Variants in TMED3 observed in about 807,000 individuals in gnomAD.
TMED3 encodes the protein transmembrane emp24 domain-containing protein 3.
TMED3 carries 9 observed loss-of-function variants against 15.0 expected under a neutral mutation model. That is an observed-to-expected ratio of 0.60 (90% CI 0.36 to 1.04). TMED3 has a LOEUF of 1.04. Among genes scored for constraint, TMED3 ranks in the 50% least tolerant of loss-of-function variants. The probability of loss-of-function intolerance (pLI) is 0.01; values close to 1 mark genes in which losing one functional copy is unlikely to be tolerated. For missense variants in TMED3, 267 were observed against 278.9 expected, an observed-to-expected ratio of 0.96 and a Z score of 0.30; for synonymous variants, 117 against 121.4, an observed-to-expected ratio of 0.96 and a Z score of 0.24.
chr15:79,324,584 T>G (rs1044875358), downstream of TMED3, among the ~76,000 whole-genome samples: 5 of 152,210 alleles, frequency 3.3e-5, no homozygotes, highest in Non-Finnish European at 5.9e-5. Context: ...AAAAGTAATA[T>G]TTAATATATG....
At chr15:79,400,680 TATCTC>T (rs1309838228) in intron 2 of TMED3, among the ~76,000 whole-genome samples, 2 of 152,230 alleles carry the variant, frequency 1.3e-5, no homozygotes, top group African/African-American at 4.8e-5. Context: ...ATATAACAAT[TATCTC>T]ATTTAATGAG....
At chr15:79,387,199 C>T (rs779807582) in intron 2 of TMED3, among the ~76,000 whole-genome samples, 3 of 152,142 alleles carry the variant, frequency 2.0e-5, no homozygotes, top group African/African-American at 4.8e-5. Flanking sequence ...ATATTTAAGT[C>T]TATAATCCCC....
chr15:79,386,602 C>T (rs141106135), intron 2 of TMED3, among the ~76,000 whole-genome samples: 21 of 152,036 alleles, frequency 1.4e-4, no homozygotes, highest in East Asian at 1.9e-4. Flanking sequence ...TGCAGTGGTG[C>T]GATCTCAGCT....
chr15:79,371,675 G>A (rs1893342287), intron 2 of TMED3, among the ~76,000 whole-genome samples: 1 of 152,174 alleles, frequency 6.6e-6, no homozygotes. Context: ...TAGTTCCTGG[G>A]AGGGGGGTCT....
intron 2 of TMED3, among the ~76,000 whole-genome samples, chr15:79,351,448 T>C (rs2058890638): frequency 6.6e-6 from 1 of 152,220 alleles, no homozygotes; most frequent in African/African-American, 2.4e-5. Context: ...AAACCTTTAA[T>C]TACCAGCACA....
At chr15:79,325,567 G>C (rs2058784208), downstream of TMED3, among the ~76,000 whole-genome samples, 1 of 152,178 alleles carries the variant, frequency 6.6e-6, no homozygotes, top group African/African-American at 2.4e-5. Flanking sequence ...ATGTATATAT[G>C]AAAGGGAGTT....
Position 79,311,161 on chromosome 15 carries a change from C to T in TMED3, c.-89C>T, listed in dbSNP as rs2058710477. 1 of 1,408,576 alleles carries T rather than the reference C, an allele frequency of 7.1e-7. No homozygotes were observed. 87.3% of individuals were successfully genotyped at this position (1,408,576 alleles called of 1,614,324 possible). A position where few individuals can be genotyped will look rare whatever the true frequency, so the allele number is the denominator to read the frequency against. On this transcript the variant is annotated 5_prime_UTR_variant, in exon 1 of 3. Coordinates refer to ENST00000299705, the MANE Select transcript of TMED3 (RefSeq NM_007364.4). Reference sequence around the variant, plus strand: ...TGGTGCCACGTCTATCCCCTTACATCCTCCTAGGACCCGGTCGGTAGTCGT... The same window carrying T: ...TGGTGCCACGTCTATCCCCTTACATTCTCCTAGGACCCGGTCGGTAGTCGT...
chr15:79,337,805 G>A (rs1429503138), intron 2 of TMED3, among the ~76,000 whole-genome samples: 1 of 152,164 alleles, frequency 6.6e-6, no homozygotes, highest in Non-Finnish European at 1.5e-5. Context: ...CAGTTTCCTC[G>A]TTTGTAACAA....
chr15:79,403,494 T>G (rs1893862142), intron 2 of TMED3, among the ~76,000 whole-genome samples: 1 of 152,138 alleles, frequency 6.6e-6, no homozygotes, highest in African/African-American at 2.4e-5. Flanking sequence ...CTTTTACCAT[T>G]ATCTCTTGGT....
intron 2 of TMED3, among the ~76,000 whole-genome samples, chr15:79,367,560 C>T (rs62025985): frequency 0.14 from 21,944 of 152,126 alleles, 1,832 homozygotes; most frequent in East Asian, 0.4. Flanking sequence ...GTTCCCAGAG[C>T]GTGCAAGCTC....
In TMED3 at chr15:79,313,920, A is replaced by G. The variant is rs767921493; in HGVS notation, c.332A>G (p.His111Arg). The G allele has an allele frequency of 6.2e-7, 1 of 1,614,166 alleles. No individual in the cohort carries two copies. Among genetic ancestry groups the G allele is most frequent in the South Asian group, 1.1e-5 (1 of 91,074 alleles). The change falls in exon 2 of 3, where the codon CAC becomes CGC. Residue 111 changes from histidine to arginine, a missense_variant. This residue lies in a region of TMED3 where 69 missense variants were observed against 106.8 expected (regional missense o/e 0.65). Coordinates refer to ENST00000299705, the MANE Select transcript of TMED3 (RefSeq NM_007364.4). Reference sequence around the variant, plus strand: ...AGTAATGAGTTTTCCACCTTCTCTCACAAGACCGTCTACTTTGACTTTCAA... The same window carrying G: ...AGTAATGAGTTTTCCACCTTCTCTCGCAAGACCGTCTACTTTGACTTTCAA... ...CFSNEFSTFSHKTVYFDFQVG... is the reference protein window; with the variant it reads ...CFSNEFSTFSRKTVYFDFQVG...
At chr15:79,405,698 A>G (rs1893894331) in intron 2 of TMED3, among the ~76,000 whole-genome samples, 2 of 152,188 alleles carry the variant, frequency 1.3e-5, no homozygotes, top group African/African-American at 4.8e-5. Context: ...TTCCTTGGGT[A>G]TCTGAAATAC....
At chr15:79,363,760 C>G (rs1893176434) in intron 2 of TMED3, among the ~76,000 whole-genome samples, 1 of 152,140 alleles carries the variant, frequency 6.6e-6, no homozygotes, top group East Asian at 1.9e-4. Flanking sequence ...CTCTAAACTC[C>G]TTTCCATTGT....
At chr15:79,336,297 A>G (rs185255664) in intron 2 of TMED3, among the ~76,000 whole-genome samples, 1 of 152,260 alleles carries the variant, frequency 6.6e-6, no homozygotes, top group African/African-American at 2.4e-5. Flanking sequence ...TAAAACATCA[A>G]AAAGCTAGGC....
chr15:79,366,174 G>C (rs1339476288), intron 2 of TMED3, among the ~76,000 whole-genome samples: 1 of 152,100 alleles, frequency 6.6e-6, no homozygotes, highest in East Asian at 1.9e-4. Flanking sequence ...CAAACACCTA[G>C]GTTGATGGAA....
At chr15:79,315,354 C>T (rs1184730353) in intron 2 of TMED3, among the ~76,000 whole-genome samples, 2 of 152,182 alleles carry the variant, frequency 1.3e-5, no homozygotes, top group Non-Finnish European at 2.9e-5. Flanking sequence ...TAGAAAGTTC[C>T]ATTGTCCAAA....
intron 2 of TMED3, among the ~76,000 whole-genome samples, chr15:79,336,115 A>T (rs11852766): frequency 6.6e-6 from 1 of 152,110 alleles, no homozygotes; most frequent in East Asian, 1.9e-4. Flanking sequence ...AAAAATTTTG[A>T]TAAAGGAATA....
At chr15:79,400,564 C>T (rs968062295) in intron 2 of TMED3, among the ~76,000 whole-genome samples, 3 of 152,128 alleles carry the variant, frequency 2.0e-5, no homozygotes, top group African/African-American at 4.8e-5. Context: ...AGAGCCTTCT[C>T]GTTATCATTA....
chr15:79,311,238 A>T lies in TMED3; in HGVS notation c.-12A>T. Reference sequence around the variant, plus strand: ...CCCGAGCCGCGGCCCTCGAGACGGGACCGAGAGCATCATGGGCAGCACTGT... The same window carrying T: ...CCCGAGCCGCGGCCCTCGAGACGGGTCCGAGAGCATCATGGGCAGCACTGT... On this transcript the variant is annotated 5_prime_UTR_variant, in exon 1 of 3. Coordinates refer to ENST00000299705, the MANE Select transcript of TMED3 (RefSeq NM_007364.4). 6.3e-7 allele frequency: 1 copy of T among 1,592,856 alleles called. No homozygotes were observed. Among genetic ancestry groups the T allele is most frequent in the African/African-American group, 1.3e-5 (1 of 74,248 alleles).
Sources: allele counts gnomAD v4.1 joint callset (sites outside exome capture counted in the v4.1 genomes callset), GRCh38; gene constraint gnomAD v4.1.1; regional missense constraint gnomAD v4.1.1; transcripts MANE v1.5; gene names NCBI Gene and HGNC (gene_info 2026-07-23, HGNC 2026-07-21).